The following ZNF473 variants were observed in gnomAD, a reference collection of about 807,000 sequenced individuals.
ZNF473 encodes the protein zinc finger protein 100 homolog.
A neutral mutation model predicts 11.1 loss-of-function variants in ZNF473; 4 were observed. That is an observed-to-expected ratio of 0.36 (90% CI 0.18 to 0.82). ZNF473 has a LOEUF of 0.82. ZNF473 is among the 40% of genes least tolerant of loss of function. The pLI, the probability that ZNF473 is intolerant of heterozygous loss-of-function variation, is 0.49. For missense variants in ZNF473, 854 were observed against 1,084.0 expected (o/e 0.79, Z 2.98); for synonymous variants, 404 against 390.4 (o/e 1.03, Z -0.41).
At chr19:50,026,550 TAAAAAAAA>T (rs71180669) in intron 1 of ZNF473, among the ~76,000 whole-genome samples, 1 of 119,336 alleles carries the variant, frequency 8.4e-6, no homozygotes, top group African/African-American at 3.1e-5. Context: ...GACTACATCT[TAAAAAAAA>T]AAAAAAAAAA....
rs1219718937 is a variant in ZNF473 at position 50,045,320 on chromosome 19, A to T, written c.877A>T (p.Lys293Ter). Residue 293 changes from lysine to a stop codon, truncating the protein, a stop_gained, in exon 5 of 5, where the codon AAG becomes TAG. Transcript: ENST00000270617. LOFTEE classifies it low-confidence loss of function (END_TRUNC). ...AACTCACACTGGAGAAAAACCATGT[A>T]AGAGTCAAGATAGTGACCACCCACC... The part of the protein sequence containing the change: ...QKTHTGEKPC[K>*]SQDSDHPPSH... 6.2e-7 allele frequency: 1 copy of T among 1,614,166 alleles called. No individual in the cohort carries two copies.
At chr19:50,042,519 C>T (rs1191645092) in intron 4 of ZNF473, 2 of 152,294 alleles carry the variant, frequency 1.3e-5, no homozygotes, top group Non-Finnish European at 2.9e-5. Context: ...CTCTTCAGCA[C>T]ATCAGTGTTC....
At chr19:50,032,982 A>G (rs1338187819) in intron 2 of ZNF473, among the ~76,000 whole-genome samples, 1 of 152,134 alleles carries the variant, frequency 6.6e-6, no homozygotes, top group African/African-American at 2.4e-5. Context: ...ACCCACCCTG[A>G]TGACCTCATC....
Position 50,039,653 on chromosome 19 carries a change from T to C in ZNF473, c.136+366T>C, listed in dbSNP as rs1327786200. Among the ~76,000 whole-genome samples, 1 of 152,362 alleles carries C rather than the reference T, an allele frequency of 6.6e-6. No individual in the cohort carries two copies. The highest frequency in any genetic ancestry group is 1.9e-4 in the East Asian group (1 of 5,190). ...GCCTCCCCAGCCTTGTCTTCACCAC[T>C]TTCCTACTTGTAGTCAGTCATTCTT... On this transcript the variant is annotated intron_variant, in intron 3 of 4. Coordinates refer to ENST00000270617, the MANE Select transcript of ZNF473 (RefSeq NM_015428.4). The surrounding 1 kb of genome is among the most constrained non-coding windows in gnomAD (Gnocchi z 4.8).
intron 1 of ZNF473, among the ~76,000 whole-genome samples, chr19:50,027,068 A>G (rs553263835): frequency 7.9e-5 from 12 of 152,288 alleles, no homozygotes; most frequent in African/African-American, 2.4e-4. Context: ...CAGCACTGAG[A>G]CATAAGTGCA....
intron 1 of ZNF473, among the ~76,000 whole-genome samples, chr19:50,028,142 C>CA (rs2077297204): frequency 6.6e-6 from 1 of 151,844 alleles, no homozygotes; most frequent in African/African-American, 2.4e-5. Flanking sequence ...ACTAAAAATA[C>CA]AAAAAATTCT....
Position 50,045,317 on chromosome 19 carries a change from T to C in ZNF473, c.874T>C (p.Cys292Arg), listed in dbSNP as rs548738626. Residue 292 changes from cysteine to arginine, a missense_variant, in exon 5 of 5, where the codon TGT becomes CGT. Cys to Arg is a radical substitution (Grantham distance 180). Coordinates refer to ENST00000270617, the MANE Select transcript of ZNF473 (RefSeq NM_015428.4). ...HQKTHTGEKP[C>R]KSQDSDHPPS... ...GAAAACTCACACTGGAGAAAAACCATGTAAGAGTCAAGATAGTGACCACCC... is the reference window on the plus strand; with the variant it reads ...GAAAACTCACACTGGAGAAAAACCACGTAAGAGTCAAGATAGTGACCACCC... The C allele has an allele frequency of 8.7e-6, 14 of 1,614,104 alleles. No homozygotes were observed. The highest frequency in any genetic ancestry group is 1.2e-5 in the Non-Finnish European group (14 of 1,180,024).
intron 2 of ZNF473, among the ~76,000 whole-genome samples, chr19:50,034,776 T>C (rs2077336351): frequency 6.6e-6 from 1 of 152,222 alleles, no homozygotes; most frequent in Non-Finnish European, 1.5e-5. Context: ...GTCTGTTTTC[T>C]CTGGTTCCAT....
chr19:50,039,091 G>T lies in ZNF473; in HGVS notation c.10-70G>T, dbSNP rs1978627503. On this transcript the variant is annotated intron_variant, in intron 2 of 4. Transcript: ENST00000270617. This position sits in a 1 kb window ranked among gnomAD's most constrained non-coding sequence, Gnocchi z 4.8. ...CCCTGGCAGATTGAGGGCTGGGAGT[G>T]CCCTGAGTGAGCTGTTGGGCTCCTC... 6.9e-6 allele frequency: 11 copies of T among 1,590,522 alleles called. No individual in the cohort carries two copies. Among genetic ancestry groups the T allele is most frequent in the Middle Eastern group, 3.3e-4 (2 of 5,978 alleles).
chr19:50,041,387 A>T (rs1394579745), intron 3 of ZNF473: 1 of 171,928 alleles, frequency 5.8e-6, no homozygotes, highest in Non-Finnish European at 1.2e-5. Flanking sequence ...TGTGTGGCCC[A>T]TGGGTCAGTG....
At position 50,041,673 on chromosome 19, in the gene ZNF473, GTGTC is replaced by G. The variant is rs1978777054; in HGVS notation, c.137-54_137-51del. ...AGGAGAGCCAGGAGGTTCTCACTGA[GTGTC>G]TGGATGGTCCTCCATGTCCTGGTTG... is the stretch of plus-strand genomic sequence containing the variant. On this transcript the variant is annotated intron_variant, in intron 3 of 4. Coordinates refer to ENST00000270617, the MANE Select transcript of ZNF473 (RefSeq NM_015428.4). 4.8e-6 allele frequency: 7 copies of G among 1,462,512 alleles called. No homozygotes were observed. In the South Asian group the frequency reaches 5.1e-5, roughly 11 times the overall value. 90.6% of individuals were successfully genotyped at this position (1,462,512 alleles called of 1,614,324 possible).
In ZNF473 at chr19:50,044,973, C is replaced by T. The variant is rs1375693671; in HGVS notation, c.530C>T (p.Thr177Ile). The T allele has an allele frequency of 6.2e-7, 1 of 1,614,086 alleles. No individual in the cohort carries two copies. The highest frequency in any genetic ancestry group is 1.7e-5 in the Admixed American group (1 of 60,008). Reference sequence around the variant, plus strand: ...ATGGTGCATAATGTTTCTGAAAAGACCCTCACACCAGCTAAGTCTAAGGAA... The same window carrying T: ...ATGGTGCATAATGTTTCTGAAAAGATCCTCACACCAGCTAAGTCTAAGGAA... ...DSMVHNVSEKTLTPAKSKEYR... is the reference protein window; with the variant it reads ...DSMVHNVSEKILTPAKSKEYR... The change falls in exon 5 of 5, where the codon ACC (threonine) becomes ATC (isoleucine). Residue 177 changes from threonine to isoleucine, a missense_variant. Transcript: ENST00000270617.
At position 50,046,645 on chromosome 19, in the gene ZNF473, C is replaced by T. The variant is rs1600764732; in HGVS notation, c.2202C>T (p.Tyr734=). Residue 734 remains tyrosine (Y), a synonymous_variant, in exon 5 of 5, where the codon TAC becomes TAT. Coordinates refer to ENST00000270617, the MANE Select transcript of ZNF473 (RefSeq NM_015428.4). This position sits in a 1 kb window ranked among gnomAD's most constrained non-coding sequence, Gnocchi z 5.9. ...GTGAGAAGCCCTATGTATGTGATTA[C>T]TGCGGGAAGGCCTTCGGCCTGAGTG... ...HSGEKPYVCD[Y]CGKAFGLSAE... The T allele has an allele frequency of 1.9e-6, 3 of 1,614,226 alleles. No individual in the cohort carries two copies. In the East Asian group the frequency reaches 6.7e-5, roughly 36 times the overall value.
intron 2 of ZNF473, among the ~76,000 whole-genome samples, chr19:50,036,459 GC>G (rs1399612125): frequency 6.7e-6 from 1 of 150,238 alleles, no homozygotes; most frequent in East Asian, 2.0e-4. Context: ...GACTACAGGT[GC>G]CCGCCACCAT....
rs770699415 is a variant in ZNF473 at position 50,047,167 on chromosome 19, G to A, written c.*108G>A. On this transcript the variant is annotated 3_prime_UTR_variant, in exon 5 of 5. Coordinates refer to ENST00000270617, the MANE Select transcript of ZNF473 (RefSeq NM_015428.4). The stretch of plus-strand genomic sequence containing the variant: ...CTCCAAATAAATGCATCTAAAGATT[G>A]ATTAGAAAGTTTGTGCGCATGTTTT... The A allele has an allele frequency of 1.1e-4, 106 of 953,108 alleles. No individual in the cohort carries two copies. Among genetic ancestry groups the A allele is most frequent in the Non-Finnish European group, 1.5e-4 (100 of 655,560 alleles). The allele number at this position is 953,108 out of a possible 1,614,324, so 59.0% of individuals were successfully genotyped here. A position where few individuals can be genotyped will look rare whatever the true frequency, so the allele number is the denominator to read the frequency against.
In ZNF473 at chr19:50,046,185, A is replaced by C. The variant is rs779970962; in HGVS notation, c.1742A>C (p.Glu581Ala). The change falls in exon 5 of 5, where the codon GAG (glutamate) becomes GCG (alanine). Residue 581 changes from glutamate (E) to alanine (A), a missense_variant. Around this residue, in one of 2 missense-constraint regions of ZNF473, gnomAD observed 668 missense variants for 790.2 expected, o/e 0.85. Transcript: ENST00000270617. This position sits in a 1 kb window ranked among gnomAD's most constrained non-coding sequence, Gnocchi z 5.9. ...FSCSKYLTQH[E>A]RIHTRGVKPF... ...TGCAGCAAATACCTAACTCAGCACG[A>C]GAGGATTCACACCAGGGGAGTGAAG... The C allele has an allele frequency of 3.7e-6, 6 of 1,614,236 alleles. No homozygotes were observed. The highest frequency in any genetic ancestry group is 5.1e-6 in the Non-Finnish European group (6 of 1,180,034).
Position 50,046,185 on chromosome 19 carries a change from A to G in ZNF473, c.1742A>G (p.Glu581Gly), listed in dbSNP as rs779970962. 8.7e-6 allele frequency: 14 copies of G among 1,614,118 alleles called. No homozygotes were observed. In the African/African-American group the frequency reaches 1.9e-4, roughly 22 times the overall value. The part of the protein sequence containing the change: ...FSCSKYLTQH[E>G]RIHTRGVKPF... ...TGCAGCAAATACCTAACTCAGCACG[A>G]GAGGATTCACACCAGGGGAGTGAAG... Residue 581 changes from glutamate (E) to glycine (G), a missense_variant, in exon 5 of 5, where the codon GAG becomes GGG. This residue lies in a region of ZNF473 where 668 missense variants were observed against 790.2 expected (regional missense o/e 0.85). Coordinates refer to ENST00000270617, the MANE Select transcript of ZNF473 (RefSeq NM_015428.4). This position sits in a 1 kb window ranked among gnomAD's most constrained non-coding sequence, Gnocchi z 5.9.
rs143479728 is a variant in ZNF473 at position 50,044,786 on chromosome 19, G to A, written c.343G>A (p.Ala115Thr). The A allele has an allele frequency of 3.9e-5, 63 of 1,614,126 alleles. No individual in the cohort carries two copies. The highest frequency in any genetic ancestry group is 1.6e-4 in the African/African-American group (12 of 74,942). Residue 115 changes from alanine to threonine, a missense_variant, in exon 5 of 5, where the codon GCC (alanine) becomes ACC (threonine). Ala to Thr is a moderately conservative substitution (Grantham distance 58). This residue lies in a region of ZNF473 where 668 missense variants were observed against 790.2 expected (regional missense o/e 0.85). Coordinates refer to ENST00000270617, the MANE Select transcript of ZNF473 (RefSeq NM_015428.4). ...DGFWNSNFGE[A>T]CIEDTWLDSL... ...CTTCTGGAACTCCAATTTCGGAGAA[G>A]CCTGTATAGAGGACACCTGGTTAGA...
chr19:50,046,387 T>C lies in ZNF473; in HGVS notation c.1944T>C (p.Cys648=), dbSNP rs1979124007. The C allele has an allele frequency of 6.2e-7, 1 of 1,614,096 alleles. No homozygotes were observed. The highest frequency in any genetic ancestry group is 1.7e-5 in the Admixed American group (1 of 59,990). Residue 648 remains cysteine (C), a synonymous_variant, in exon 5 of 5, where the codon TGT becomes TGC. Coordinates refer to ENST00000270617, the MANE Select transcript of ZNF473 (RefSeq NM_015428.4). The surrounding 1 kb of genome is among the most constrained non-coding windows in gnomAD (Gnocchi z 5.9). ...SFHTKEHPFK[C]NECGKTFSHS... is the part of the protein sequence containing the mutation. ...ACACAAAGGAGCACCCTTTTAAATG[T>C]AACGAATGCGGAAAGACCTTCAGCC...
Sources: allele counts gnomAD v4.1 joint callset (sites outside exome capture counted in the v4.1 genomes callset), GRCh38; gene constraint gnomAD v4.1.1; regional missense constraint gnomAD v4.1.1; non-coding constraint Gnocchi (gnomAD v3.1); transcripts MANE v1.5; gene names NCBI Gene and HGNC (gene_info 2026-07-23, HGNC 2026-07-21).